The following CD244 variants were observed in gnomAD, a reference collection of about 807,000 sequenced individuals.
CD244 encodes the protein natural killer cell receptor 2B4.
A neutral mutation model predicts 45.5 loss-of-function variants in CD244; 20 were observed. The observed-to-expected ratio is 0.44, with a 90% CI of 0.31 to 0.64. The LOEUF (loss-of-function observed/expected upper bound fraction) is 0.64. Ranked by LOEUF, CD244 falls within the 30% of genes least tolerant of loss-of-function variation. CD244 has a pLI of 0.08. For synonymous variants in CD244, 185 were observed against 160.5 expected (o/e 1.15, Z -1.15); for missense variants, 407 against 426.9 (o/e 0.95, Z 0.41).
At chr1:160,845,073 A>G (rs11802805) in intron 1 of CD244, among the ~76,000 whole-genome samples, 2 of 152,244 alleles carry the variant, frequency 1.3e-5, no homozygotes, top group Admixed American at 6.5e-5. Context: ...AACCAAAAGA[A>G]CCACCTAGCT....
At position 160,854,840 on chromosome 1, in the gene CD244, A is replaced by C. The variant is rs1660974923; in HGVS notation, c.61+7777T>G. ...TAAGACTGGTTTGTCTGCAAATAAAAAGGAGCTAGAGAGAACACCAGGTGT... is the reference window on the plus strand; with the variant it reads ...TAAGACTGGTTTGTCTGCAAATAAACAGGAGCTAGAGAGAACACCAGGTGT... On this transcript the variant is annotated intron_variant, in intron 1 of 8. Transcript: ENST00000368034. Among the ~76,000 whole-genome samples the C allele has an allele frequency of 2.0e-5, 3 of 152,232 alleles. 1 individual carries two copies. Among genetic ancestry groups the C allele is most frequent in the Admixed American group, 2.0e-4 (3 of 15,284 alleles).
chr1:160,849,936 C>A lies in CD244; in HGVS notation c.62-8035G>T, dbSNP rs373482780. Among the ~76,000 whole-genome samples, 50 of 152,040 alleles carry A rather than the reference C, an allele frequency of 3.3e-4. 1 individual carries two copies. The East Asian group carries it at 9.3e-3, about 28-fold the overall frequency. ...CTGAGGCAGGAGAATCACTTGAACCCGGGAAGCGGAGGCTGCAGTGAGCCA... is the reference window on the plus strand; with the variant it reads ...CTGAGGCAGGAGAATCACTTGAACCAGGGAAGCGGAGGCTGCAGTGAGCCA... On this transcript the variant is annotated intron_variant, in intron 1 of 8. Transcript: ENST00000368034.
At chr1:160,855,966 C>A (rs746531336) in intron 1 of CD244, among the ~76,000 whole-genome samples, 10 of 152,120 alleles carry the variant, frequency 6.6e-5, no homozygotes, top group Admixed American at 4.6e-4. Flanking sequence ...ACCTGCCAGT[C>A]GGAGGAAGGT....
intron 1 of CD244, chr1:160,848,324 A>C: frequency 3.4e-6 from 2 of 593,158 alleles, no homozygotes; most frequent in Non-Finnish European, 6.4e-6. Context: ...TGCTGGACCC[A>C]ACACAAATAG....
At chr1:160,848,170 C>T (rs1669800724) in intron 1 of CD244, 1 of 500,360 alleles carries the variant, frequency 2.0e-6, no homozygotes, top group East Asian at 5.1e-5. Context: ...CCTGCTCTCA[C>T]AGGATTATTG....
intron 1 of CD244, among the ~76,000 whole-genome samples, chr1:160,858,505 A>T (rs1670187279): frequency 6.6e-6 from 1 of 152,184 alleles, no homozygotes; most frequent in Non-Finnish European, 1.5e-5. Flanking sequence ...CGGACAACTG[A>T]AACCTGAATT....
intron 1 of CD244, among the ~76,000 whole-genome samples, chr1:160,856,219 T>C (rs1339054373): frequency 6.6e-6 from 1 of 152,128 alleles, no homozygotes; most frequent in Non-Finnish European, 1.5e-5. Context: ...AAGTATCCTA[T>C]AGGGCCCACA....
chr1:160,836,755 G>A (rs1669348553), intron 5 of CD244, among the ~76,000 whole-genome samples: 1 of 152,138 alleles, frequency 6.6e-6, no homozygotes, highest in African/African-American at 2.4e-5. Flanking sequence ...AGGAAGCAGA[G>A]CTTCCTGCTT....
chr1:160,862,564 G>A, intron 1 of CD244, 53 bp downstream of exon 1: 1 of 1,534,020 alleles, frequency 6.5e-7, no homozygotes, highest in Non-Finnish European at 9.0e-7. Context: ...ATCTCCCTGA[G>A]GGGCACAGCT....
intron 1 of CD244, among the ~76,000 whole-genome samples, chr1:160,853,475 A>G (rs1669990399): frequency 6.6e-6 from 1 of 152,208 alleles, no homozygotes; most frequent in Non-Finnish European, 1.5e-5. Flanking sequence ...AAAGTTCATC[A>G]AGCTGTTGAT....
At chr1:160,855,527 A>T (rs1670074575) in intron 1 of CD244, among the ~76,000 whole-genome samples, 1 of 152,200 alleles carries the variant, frequency 6.6e-6, no homozygotes, top group African/African-American at 2.4e-5. Context: ...GAAAGACCTC[A>T]GTTTCTGTCC....
At chr1:160,832,916 G>GTA (rs1336010493) in intron 7 of CD244, among the ~76,000 whole-genome samples, 11 of 148,636 alleles carry the variant, frequency 7.4e-5, no homozygotes, top group South Asian at 6.5e-4. Flanking sequence ...ACATATTTGT[G>GTA]TATATATATA....
chr1:160,859,288 G>T (rs979538905), intron 1 of CD244, among the ~76,000 whole-genome samples: 1 of 152,170 alleles, frequency 6.6e-6, no homozygotes, highest in Non-Finnish European at 1.5e-5. Flanking sequence ...TGAGCAAGAG[G>T]AGAGACAAAG....
intron 6 of CD244, among the ~76,000 whole-genome samples, chr1:160,835,098 TTC>T (rs1441198982): frequency 6.6e-6 from 1 of 151,754 alleles, no homozygotes; most frequent in Non-Finnish European, 1.5e-5. Context: ...AATTTTTTTT[TTC>T]TTTTTTTTAA....
chr1:160,832,630 C>G, intron 7 of CD244, 55 bp from the exon 8 acceptor site: 1 of 1,606,354 alleles, frequency 6.2e-7, no homozygotes, highest in Non-Finnish European at 8.5e-7. Flanking sequence ...CTCTCCCACT[C>G]CTAAGTGATG....
intron 6 of CD244, among the ~76,000 whole-genome samples, chr1:160,835,189 G>C (rs537054651): frequency 6.6e-6 from 1 of 152,192 alleles, no homozygotes; most frequent in Non-Finnish European, 1.5e-5. Context: ...CCCAGCCTGG[G>C]TTATCAATGT....
At chr1:160,848,326 C>T (rs1052955620) in intron 1 of CD244, 23 of 593,184 alleles carry the variant, frequency 3.9e-5, no homozygotes, top group Non-Finnish European at 7.1e-5. Flanking sequence ...CTGGACCCAA[C>T]ACAAATAGTT....
chr1:160,860,442 C>T (rs150352667), intron 1 of CD244, among the ~76,000 whole-genome samples: 1 of 147,828 alleles, frequency 6.8e-6, no homozygotes, highest in Non-Finnish European at 1.5e-5. Context: ...CATCTTGGGT[C>T]AGCAAAAAAA....
chr1:160,856,301 T>C (rs1384507771), intron 1 of CD244, among the ~76,000 whole-genome samples: 1 of 152,166 alleles, frequency 6.6e-6, no homozygotes, highest in East Asian at 1.9e-4. Flanking sequence ...GCAATGCAAC[T>C]CCCTTACCTC....
Sources: allele counts gnomAD v4.1 joint callset (sites outside exome capture counted in the v4.1 genomes callset), GRCh38; gene constraint gnomAD v4.1.1; transcripts MANE v1.5; gene names NCBI Gene and HGNC (gene_info 2026-07-23, HGNC 2026-07-21).